The following CCNB2 variants were observed in gnomAD, a reference collection of about 807,000 sequenced individuals.
CCNB2 encodes G2/mitotic-specific cyclin-B2.
In CCNB2, 39 loss-of-function variants were observed where a neutral mutation model predicts 51.1. The observed-to-expected ratio is 0.76, with a 90% CI of 0.59 to 1.00. The LOEUF (loss-of-function observed/expected upper bound fraction) is 1.00, where lower values mean the gene tolerates loss of function less well. CCNB2 is among the 50% of genes least tolerant of loss of function. The pLI is 0.00. For synonymous variants in CCNB2, 174 were observed against 165.5 expected, an observed-to-expected ratio of 1.05 and a Z score of -0.40; for missense variants, 472 against 470.3, an observed-to-expected ratio of 1.00 and a Z score of -0.03.
chr15:59,122,145 G>T (rs2079304805), intron 7 of CCNB2, among the ~76,000 whole-genome samples: 1 of 147,728 alleles, frequency 6.8e-6, no homozygotes, highest in Non-Finnish European at 1.5e-5. Flanking sequence ...TTAAATTGTG[G>T]TTTATTTTGC....
chr15:59,119,954 C>T (rs1446350632), intron 7 of CCNB2, among the ~76,000 whole-genome samples: 1 of 152,138 alleles, frequency 6.6e-6, no homozygotes, highest in Non-Finnish European at 1.5e-5. Context: ...GTGATCTTCT[C>T]GCCTTGGCCT....
At chr15:59,116,632 A>G in intron 5 of CCNB2, 58 bp from the exon 6 acceptor site, 1 of 1,234,542 alleles carries the variant, frequency 8.1e-7, no homozygotes, top group Non-Finnish European at 1.2e-6. Flanking sequence ...CCCTTCTCCC[A>G]CCTAAAGCTT....
chr15:59,115,620 A>G (rs1311760376), intron 5 of CCNB2: 3 of 152,232 alleles, frequency 2.0e-5, no homozygotes, highest in Non-Finnish European at 4.4e-5. Flanking sequence ...TGTCCAAACA[A>G]TGTAATAAAA....
Position 59,105,379 on chromosome 15 carries a change from C to T in CCNB2, c.24+87C>T. ...CTTCTCTCATCTGCTCCGAGCTTCT[C>T]CGTCCCAACCGGGGCTGCTTTTCTC... is the stretch of plus-strand genomic sequence containing the variant. On this transcript the variant is annotated intron_variant, in intron 1 of 8. Transcript: ENST00000288207. 3.6e-6 allele frequency: 5 copies of T among 1,406,462 alleles called. No individual in the cohort carries two copies. In the South Asian group the frequency reaches 3.7e-5, roughly 10 times the overall value. 87.1% of individuals were successfully genotyped at this position (1,406,462 alleles called of 1,614,324 possible).
intron 7 of CCNB2, among the ~76,000 whole-genome samples, chr15:59,119,803 G>A (rs2079294886): frequency 6.6e-6 from 1 of 152,090 alleles, no homozygotes; most frequent in African/African-American, 2.4e-5. Context: ...AATTGCCTGG[G>A]CTCAAGTGAT....
At chr15:59,115,154 T>C (rs117029110) in intron 5 of CCNB2, among the ~76,000 whole-genome samples, 1,911 of 152,270 alleles carry the variant, frequency 0.013, 16 homozygotes, top group Non-Finnish European at 0.018. Context: ...AAATATACCA[T>C]CAGTTGGGCT....
chr15:59,119,516 C>T (rs1045839451), intron 7 of CCNB2, among the ~76,000 whole-genome samples: 5 of 150,754 alleles, frequency 3.3e-5, no homozygotes, highest in Non-Finnish European at 5.9e-5. Context: ...GACTGTGCAT[C>T]CTTAGTGGGA....
chr15:59,112,251 C>T (rs2079260474), intron 3 of CCNB2, among the ~76,000 whole-genome samples: 1 of 152,064 alleles, frequency 6.6e-6, no homozygotes, highest in East Asian at 1.9e-4. Context: ...GAGGGGAGGA[C>T]ATGTTTTAAA....
Position 59,116,804 on chromosome 15 carries a change from G to A in CCNB2, c.712G>A (p.Asp238Asn), listed in dbSNP as rs951118216. The A allele has an allele frequency of 1.7e-5, 28 of 1,613,894 alleles. No individual in the cohort carries two copies. The highest frequency in any genetic ancestry group is 1.5e-4 in the Admixed American group (9 of 60,000). The part of the protein sequence containing the change: ...PNIEDFVYIT[D>N]NAYTSSQIRE... ...TATTGAAGACTTTGTTTACATCACA[G>A]ACAATGCTTATACCAGTTCCCAAAT... The change falls in exon 6 of 9, where the codon GAC becomes AAC. Residue 238 changes from aspartate to asparagine, a missense_variant. Asp to Asn is a conservative substitution (Grantham distance 23). Transcript: ENST00000288207.
chr15:59,113,400 G>C (rs1192162149), intron 3 of CCNB2, among the ~76,000 whole-genome samples: 1 of 152,126 alleles, frequency 6.6e-6, no homozygotes, highest in Non-Finnish European at 1.5e-5. Context: ...CTACGTATCA[G>C]GGATTATATA....
At chr15:59,119,224 CAG>C (rs1326603867) in intron 7 of CCNB2, among the ~76,000 whole-genome samples, 1 of 152,002 alleles carries the variant, frequency 6.6e-6, no homozygotes, top group African/African-American at 2.4e-5. Flanking sequence ...TAACAGAACA[CAG>C]AGGAAAGAAT....
At chr15:59,118,979 T>A (rs1201564818) in intron 7 of CCNB2, among the ~76,000 whole-genome samples, 1 of 152,234 alleles carries the variant, frequency 6.6e-6, no homozygotes, top group African/African-American at 2.4e-5. Context: ...TATATATTTA[T>A]ATATTTGTTA....
At chr15:59,124,585 G>T in intron 8 of CCNB2, 182 bp from the exon 9 acceptor site, 1 of 595,276 alleles carries the variant, frequency 1.7e-6, no homozygotes, top group East Asian at 3.0e-5. Flanking sequence ...TTCATTAATG[G>T]GGATGGAAGG....
In CCNB2 at chr15:59,116,086, GA is replaced by G. The variant is rs200998286; in HGVS notation, c.598-593del. On this transcript the variant is annotated intron_variant, in intron 5 of 8. Coordinates refer to ENST00000288207, the MANE Select transcript of CCNB2 (RefSeq NM_004701.4). ...GCAAGAAAAGTACAGAGTTTGGGAG[GA>G]AAAAAAAAAAGCAATTAAGGGAAAC... 8.4e-3 allele frequency: 1,203 copies of G among 143,554 alleles called. 15 individuals carry two copies. The highest frequency in any genetic ancestry group is 0.025 in the African/African-American group (972 of 39,346). The allele number at this position is 143,554 out of a possible 1,614,324, so 8.9% of individuals were successfully genotyped here.
intron 3 of CCNB2, among the ~76,000 whole-genome samples, chr15:59,113,232 T>A (rs2079265212): frequency 6.6e-6 from 1 of 152,208 alleles, no homozygotes; most frequent in African/African-American, 2.4e-5. Context: ...TGCAATATGC[T>A]TTTCTCCTTT....
rs1381786458 is a variant in CCNB2, at chr15:59,107,756, C to T, written c.267+86C>T. 4 of 940,648 alleles carry T rather than the reference C, an allele frequency of 4.3e-6. No individual in the cohort carries two copies. The East Asian group carries it at 7.4e-5, about 17-fold the overall frequency. The allele number at this position is 940,648 out of a possible 1,614,324, so 58.3% of individuals were successfully genotyped here. Reference sequence around the variant, plus strand: ...AAGGGTGCCTTTATCATTGCTGTACCTTCTAACGAACATTCATAGCTGGAG... The same window carrying T: ...AAGGGTGCCTTTATCATTGCTGTACTTTCTAACGAACATTCATAGCTGGAG... On this transcript the variant is annotated intron_variant, in intron 3 of 8. Coordinates refer to ENST00000288207, the MANE Select transcript of CCNB2 (RefSeq NM_004701.4).
chr15:59,116,967 T>C (rs1427818902), intron 6 of CCNB2, 41 bp downstream of exon 6: 1 of 1,495,762 alleles, frequency 6.7e-7, no homozygotes, highest in Non-Finnish European at 9.2e-7. Context: ...TTTTGCTTGG[T>C]GTCTCATCCC....
In CCNB2 at chr15:59,124,790, C is replaced by G; in HGVS notation, c.1110C>G (p.Ser370Arg). 6.2e-7 allele frequency: 1 copy of G among 1,613,688 alleles called. No homozygotes were observed. The highest frequency in any genetic ancestry group is 8.5e-7 in the Non-Finnish European group (1 of 1,179,738). Residue 370 changes from serine to arginine, a missense_variant, in exon 9 of 9, where the codon AGC (serine) becomes AGG (arginine). Physicochemically the swap from Ser to Arg is moderately radical, Grantham distance 110 (BLOSUM62 -1). Transcript: ENST00000288207. ...KFIAIKNKYA[S>R]SKLLKISMIP... ...AGGCCATCAAGAATAAGTATGCAAG[C>G]AGCAAACTCCTGAAGATCAGCATGA...
Position 59,107,433 on chromosome 15 carries a change from G to A in CCNB2, c.136G>A (p.Ala46Thr), listed in dbSNP as rs150117081. Residue 46 changes from alanine (A) to threonine (T), a missense_variant, in exon 2 of 9, where the codon GCA becomes ACA. Physicochemically the swap from Ala to Thr is moderately conservative, Grantham distance 58 (BLOSUM62 0). Coordinates refer to ENST00000288207, the MANE Select transcript of CCNB2 (RefSeq NM_004701.4). ...EEIGNRVTTR[A>T]AQVAKKAQNT... ...AATTGGAAATAGAGTTACAACCAGAGCAGCACAAGTAGCTAAGGTAACAAT... is the reference window on the plus strand; with the variant it reads ...AATTGGAAATAGAGTTACAACCAGAACAGCACAAGTAGCTAAGGTAACAAT... The A allele has an allele frequency of 4.6e-5, 74 of 1,613,946 alleles. No individual in the cohort carries two copies. In the African/African-American group the frequency reaches 7.6e-4, roughly 17 times the overall value.
Sources: allele counts gnomAD v4.1 joint callset (sites outside exome capture counted in the v4.1 genomes callset), GRCh38; gene constraint gnomAD v4.1.1; transcripts MANE v1.5; gene names NCBI Gene and HGNC (gene_info 2026-07-23, HGNC 2026-07-21).